UTP6: variants seen among roughly 807,000 people sequenced by gnomAD.
UTP6 encodes the protein U3 small nucleolar RNA-associated protein 6 homolog.
In UTP6, 60 loss-of-function variants were observed where a neutral mutation model predicts 96.5. That is an observed-to-expected ratio of 0.62 (90% CI 0.51 to 0.77). UTP6 has a LOEUF of 0.77. Ranked by LOEUF, UTP6 falls within the 30% of genes least tolerant of loss-of-function variation. The probability of loss-of-function intolerance (pLI) is 0.00; values close to 1 mark genes in which losing one functional copy is unlikely to be tolerated. For synonymous variants in UTP6, 215 were observed against 240.1 expected (o/e 0.90, Z 0.96); for missense variants, 637 against 706.5 (o/e 0.90, Z 1.12).
chr17:31,900,700 A>T (rs1904930284), intron 1 of UTP6, among the ~76,000 whole-genome samples: 1 of 152,218 alleles, frequency 6.6e-6, no homozygotes, highest in African/African-American at 2.4e-5. Flanking sequence ...AAATTTTTTT[A>T]AAAATCTAAA....
intron 2 of UTP6, among the ~76,000 whole-genome samples, chr17:31,896,094 T>G (rs780684711): frequency 6.6e-6 from 1 of 151,896 alleles, no homozygotes; most frequent in African/African-American, 2.4e-5. Flanking sequence ...GTTTGTTTTT[T>G]TGAGATGGAG....
Position 31,873,854 on chromosome 17 carries a change from C to T in UTP6, c.1306-101G>A. On this transcript the variant is annotated intron_variant, in intron 14 of 18. Transcript: ENST00000261708. ...AATATTATGTATCAATTTTTTTATG[C>T]TATAAAATGACAGTTTAGTCCTATG... 6 of 1,323,680 alleles carry T rather than the reference C, an allele frequency of 4.5e-6. No individual in the cohort carries two copies. In the South Asian group the frequency reaches 7.5e-5, roughly 17 times the overall value. The allele number at this position is 1,323,680 out of a possible 1,614,324, so 82.0% of individuals were successfully genotyped here. A position where few individuals can be genotyped will look rare whatever the true frequency, so the allele number is the denominator to read the frequency against.
rs1311972223 is a variant in UTP6 at position 31,871,414 on chromosome 17, G to A, written c.1496+1964C>T. On this transcript the variant is annotated intron_variant, in intron 16 of 18. Coordinates refer to ENST00000261708, the MANE Select transcript of UTP6 (RefSeq NM_018428.3). The stretch of plus-strand genomic sequence containing the variant: ...CTGAGATTAGAGGCCTTGAACCACC[G>A]TGCCCAGCTCATATAGCTATGTTTA... Among the ~76,000 whole-genome samples, 7 of 152,114 alleles carry A rather than the reference G, an allele frequency of 4.6e-5. 1 individual carries two copies. In the South Asian group the frequency reaches 1.0e-3, roughly 23 times the overall value.
At chr17:31,867,540 C>T (rs1339864855) in intron 17 of UTP6, among the ~76,000 whole-genome samples, 1 of 150,692 alleles carries the variant, frequency 6.6e-6, no homozygotes, top group Non-Finnish European at 1.5e-5. Flanking sequence ...TGTAAGTTTT[C>T]TATTCCCCAA....
At chr17:31,865,996 T>G (rs1453851636) in intron 17 of UTP6, among the ~76,000 whole-genome samples, 1 of 152,180 alleles carries the variant, frequency 6.6e-6, no homozygotes, top group African/African-American at 2.4e-5. Flanking sequence ...TAGCTGTAAC[T>G]AACTTTACAA....
At chr17:31,880,122 C>A in intron 11 of UTP6, 1 of 166,930 alleles carries the variant, frequency 6.0e-6, no homozygotes. Flanking sequence ...AAACAAAAAA[C>A]AAAAAAAACC....
intron 10 of UTP6, 149 bp downstream of exon 10, chr17:31,884,275 G>C: frequency 1.7e-6 from 1 of 586,512 alleles, no homozygotes; most frequent in Non-Finnish European, 2.8e-6. Flanking sequence ...TGGGATTACA[G>C]GTGTGAGCCA....
At chr17:31,873,561 C>A in intron 15 of UTP6, 74 bp from the exon 16 acceptor site, 6 of 1,601,286 alleles carry the variant, frequency 3.7e-6, no homozygotes, top group Non-Finnish European at 5.1e-6. Context: ...TTCCCAGAAC[C>A]ACCTGAGGCC....
chr17:31,899,100 G>A (rs1468387942), intron 2 of UTP6, among the ~76,000 whole-genome samples: 1 of 152,082 alleles, frequency 6.6e-6, no homozygotes, highest in Non-Finnish European at 1.5e-5. Context: ...CCAGCATTTT[G>A]GGCGTGGGCA....
chr17:31,880,707 G>A lies in UTP6; in HGVS notation c.833C>T (p.Ala278Val). The A allele has an allele frequency of 6.2e-7, 1 of 1,614,102 alleles. No homozygotes were observed. Among genetic ancestry groups the A allele is most frequent in the South Asian group, 1.1e-5 (1 of 91,074 alleles). The change falls in exon 11 of 19, where the codon GCA becomes GTA. Residue 278 changes from alanine (A) to valine (V), a missense_variant. Transcript: ENST00000261708. ...TDDPLTWDYVARRELEIESQT... is the reference protein window; with the variant it reads ...TDDPLTWDYVVRRELEIESQT... ...TGACTCAATCTCTAATTCTCGCCTT[G>A]CCACATAATCCCAAGTGAGAGGATC...
chr17:31,900,294 A>G (rs1904896119), intron 1 of UTP6, among the ~76,000 whole-genome samples: 1 of 152,070 alleles, frequency 6.6e-6, no homozygotes, highest in Non-Finnish European at 1.5e-5. Flanking sequence ...CCATTTATGT[A>G]TGGTGTTTTT....
In UTP6 at chr17:31,865,350, T is replaced by C; in HGVS notation, c.1636+16A>G. On this transcript the variant is annotated intron_variant, in intron 18 of 18. Transcript: ENST00000261708. ...TCTAACCATACTAATTGGTCACAAATTAAGGGTTTACTTACCAGAATCTGC... is the reference window on the plus strand; with the variant it reads ...TCTAACCATACTAATTGGTCACAAACTAAGGGTTTACTTACCAGAATCTGC... 1 of 1,612,760 alleles carries C rather than the reference T, an allele frequency of 6.2e-7. No homozygotes were observed. The highest frequency in any genetic ancestry group is 8.5e-7 in the Non-Finnish European group (1 of 1,178,842).
chr17:31,878,380 T>A, intron 12 of UTP6, 53 bp from the exon 13 acceptor site: 1 of 1,553,368 alleles, frequency 6.4e-7, no homozygotes, highest in South Asian at 1.1e-5. Flanking sequence ...CAGGGGCCTC[T>A]GGCCTCTGAC....
chr17:31,874,229 T>C (rs1018317398), intron 14 of UTP6: 2 of 156,648 alleles, frequency 1.3e-5, no homozygotes, highest in Non-Finnish European at 2.8e-5. Flanking sequence ...CTGATCTTCA[T>C]TCATGTCCCA....
rs1909593635 is a variant in UTP6, at chr17:31,862,537, A to T, written c.*822T>A. ...AACAAATGCATACCACGTATCTTTT[A>T]TAATGAGAATAAACCAACAAAACTG... On this transcript the variant is annotated 3_prime_UTR_variant, in exon 19 of 19. Coordinates refer to ENST00000261708, the MANE Select transcript of UTP6 (RefSeq NM_018428.3). 3 of 152,090 alleles carry T rather than the reference A, an allele frequency of 2.0e-5. No individual in the cohort carries two copies. The South Asian group carries it at 6.2e-4, about 31-fold the overall frequency. 9.4% of individuals were successfully genotyped at this position (152,090 alleles called of 1,614,324 possible). A position where few individuals can be genotyped will look rare whatever the true frequency, so the allele number is the denominator to read the frequency against.
chr17:31,873,391 C>T lies in UTP6; in HGVS notation c.1483G>A (p.Ala495Thr). 1 of 1,614,208 alleles carries T rather than the reference C, an allele frequency of 6.2e-7. No homozygotes were observed. The highest frequency in any genetic ancestry group is 1.3e-5 in the African/African-American group (1 of 75,054). The change falls in exon 16 of 19, where the codon GCT becomes ACT. Residue 495 changes from alanine (A) to threonine (T), a missense_variant. Physicochemically the swap from Ala to Thr is moderately conservative, Grantham distance 58. Transcript: ENST00000261708. ...GTCTGTGAGTACCTTTTAAACACAG[C>T]TCTGGCCTTTTTGTAGCCACCACTT... The part of the protein sequence containing the change: ...YRSGGYKKAR[A>T]VFKSLQESRP...
rs1355662462 is a variant in UTP6, at chr17:31,868,028, C to A, written c.1563+18G>T. ...AATCCATTTTCCCAGACAAGAAATG[C>A]TGAAACAGAACACTTACTTGCTCCT... On this transcript the variant is annotated intron_variant, in intron 17 of 18. Transcript: ENST00000261708. 1 of 1,609,524 alleles carries A rather than the reference C, an allele frequency of 6.2e-7. No individual in the cohort carries two copies. Among genetic ancestry groups the A allele is most frequent in the South Asian group, 1.1e-5 (1 of 90,438 alleles).
chr17:31,876,106 G>A (rs911708842), intron 13 of UTP6, among the ~76,000 whole-genome samples: 11 of 151,540 alleles, frequency 7.3e-5, no homozygotes, highest in Admixed American at 3.3e-4. Flanking sequence ...CAATGATCTC[G>A]GCTCACTGCA....
intron 4 of UTP6, 53 bp downstream of exon 4, chr17:31,894,592 G>T: frequency 1.6e-6 from 2 of 1,254,506 alleles, no homozygotes; most frequent in Non-Finnish European, 1.1e-6. Flanking sequence ...AATACAATAT[G>T]TATAATACTT....
Sources: allele counts gnomAD v4.1 joint callset (sites outside exome capture counted in the v4.1 genomes callset), GRCh38; gene constraint gnomAD v4.1.1; transcripts MANE v1.5; gene names NCBI Gene and HGNC (gene_info 2026-07-23, HGNC 2026-07-21).